BCKDHB: variants seen among roughly 807,000 people sequenced by gnomAD.
The protein encoded by BCKDHB is branched chain keto acid dehydrogenase E1 subunit beta.
BCKDHB carries 41 observed loss-of-function variants against 48.5 expected under a neutral mutation model. That is an observed-to-expected ratio of 0.85 (90% CI 0.66 to 1.10). The LOEUF (loss-of-function observed/expected upper bound fraction) is 1.10, where lower values mean the gene tolerates loss of function less well. Ranked by LOEUF, BCKDHB falls within the 50% of genes least tolerant of loss-of-function variation. BCKDHB has a pLI of 0.00. For missense variants in BCKDHB, 496 were observed against 494.2 expected, an observed-to-expected ratio of 1.00 and a Z score of -0.03; for synonymous variants, 201 against 174.8, an observed-to-expected ratio of 1.15 and a Z score of -1.18.
intron 8 of BCKDHB, among the ~76,000 whole-genome samples, chr6:80,245,733 T>G (rs540380287): frequency 6.6e-6 from 1 of 152,214 alleles, no homozygotes; most frequent in Non-Finnish European, 1.5e-5. Context: ...TTTTCTACTC[T>G]CTGTCAATTT....
At chr6:80,243,243 T>C (rs529273095) in intron 8 of BCKDHB, among the ~76,000 whole-genome samples, 1 of 152,118 alleles carries the variant, frequency 6.6e-6, no homozygotes, top group Non-Finnish European at 1.5e-5. Context: ...CAAAGGCTTA[T>C]TATGTTTCAT....
chr6:80,205,794 GTGTGTGT>G (rs1562135395), intron 8 of BCKDHB, among the ~76,000 whole-genome samples: 72 of 107,132 alleles, frequency 6.7e-4, no homozygotes, highest in African/African-American at 1.9e-3. Flanking sequence ...TGCCATGGGT[GTGTGTGT>G]GTGTGTGTGT....
At chr6:80,173,410 A>G (rs1398357309) in intron 6 of BCKDHB, among the ~76,000 whole-genome samples, 5 of 152,128 alleles carry the variant, frequency 3.3e-5, no homozygotes, top group Non-Finnish European at 5.9e-5. Context: ...AGAAATTAGG[A>G]TAGGAAAAAA....
At chr6:80,164,199 C>T (rs1582265597) in intron 3 of BCKDHB, among the ~76,000 whole-genome samples, 1 of 152,200 alleles carries the variant, frequency 6.6e-6, no homozygotes, top group East Asian at 1.9e-4. Flanking sequence ...GCTTGATCAT[C>T]TACCCATTCC....
At chr6:80,285,222 A>G (rs923266954) in intron 9 of BCKDHB, among the ~76,000 whole-genome samples, 1 of 152,116 alleles carries the variant, frequency 6.6e-6, no homozygotes, top group African/African-American at 2.4e-5. Flanking sequence ...TAATATTCCA[A>G]CATCGCACAA....
chr6:80,310,346 T>C (rs113645304), intron 9 of BCKDHB, among the ~76,000 whole-genome samples: 39 of 152,252 alleles, frequency 2.6e-4, no homozygotes, highest in African/African-American at 9.1e-4. Context: ...AGTGAGAACA[T>C]GTGGTATTTA....
At chr6:80,180,674 C>A (rs774102278) in intron 6 of BCKDHB, among the ~76,000 whole-genome samples, 6 of 152,078 alleles carry the variant, frequency 3.9e-5, no homozygotes, top group Non-Finnish European at 8.8e-5. Context: ...ACTTTTTTAG[C>A]AGATGTACTA....
the BCKDHB span, among the ~76,000 whole-genome samples, chr6:80,436,483 C>G: frequency 6.6e-6 from 1 of 152,052 alleles, no homozygotes; most frequent in Non-Finnish European, 1.5e-5. Context: ...CATGTTTTTA[C>G]CCTATGGCAT....
chr6:80,247,288 G>A (rs1229794567), intron 8 of BCKDHB, among the ~76,000 whole-genome samples: 2 of 152,064 alleles, frequency 1.3e-5, no homozygotes, highest in Non-Finnish European at 2.9e-5. Flanking sequence ...AGCTTTGCTG[G>A]GTAAAGCAAC....
At chr6:80,392,720 A>C in the BCKDHB span, among the ~76,000 whole-genome samples, 1 of 151,690 alleles carries the variant, frequency 6.6e-6, no homozygotes, top group Non-Finnish European at 1.5e-5. Flanking sequence ...GTATTTTCTT[A>C]TATAATTACA....
chr6:80,244,993 G>T (rs1241300719), intron 8 of BCKDHB, among the ~76,000 whole-genome samples: 2 of 152,074 alleles, frequency 1.3e-5, no homozygotes, highest in African/African-American at 4.8e-5. Context: ...GAGCCAGGTG[G>T]CCTGAGTGTG....
Position 80,200,063 on chromosome 6 carries a change from CAAAAAAAAAAAAAA to C in BCKDHB, c.743-858_743-845del, listed in dbSNP as rs55737130. Among the ~76,000 whole-genome samples the C allele has an allele frequency of 2.7e-4, 9 of 32,774 alleles. No individual in the cohort carries two copies. In the East Asian group the frequency reaches 9.7e-3, roughly 35 times the overall value. 21.5% of individuals were successfully genotyped at this position (32,774 alleles called of 152,430 possible). Reference sequence around the variant, plus strand: ...TGGGTGACAGAGTGAGACCCTGTCTCAAAAAAAAAAAAAAAAAAAAAAAAAAGAACTAAAGAAGG... The same window carrying C: ...TGGGTGACAGAGTGAGACCCTGTCTCAAAAAAAAAAAAGAACTAAAGAAGG... On this transcript the variant is annotated intron_variant, in intron 6 of 9. Transcript: ENST00000320393.
chr6:80,446,720 A>T, the BCKDHB span, among the ~76,000 whole-genome samples: 1 of 111,352 alleles, frequency 9.0e-6, no homozygotes, highest in African/African-American at 3.3e-5. Flanking sequence ...CTTCTGGACA[A>T]TTTTTTTTTT....
chr6:80,433,715 A>C, the BCKDHB span, among the ~76,000 whole-genome samples: 76 of 152,274 alleles, frequency 5.0e-4, 1 homozygote, highest in South Asian at 2.5e-3. Context: ...TGTATGGAAA[A>C]AAAAAAGAAC....
chr6:80,388,514 GGTGCTTTCT>G, the BCKDHB span, among the ~76,000 whole-genome samples: 1 of 152,116 alleles, frequency 6.6e-6, no homozygotes, highest in African/African-American at 2.4e-5. Context: ...TCATGAACTG[GGTGCTTTCT>G]GACCCTTCTA....
chr6:80,154,992 C>T (rs1435121052), intron 3 of BCKDHB, among the ~76,000 whole-genome samples: 1 of 152,068 alleles, frequency 6.6e-6, no homozygotes, highest in African/African-American at 2.4e-5. Context: ...GTATAAATTT[C>T]CACAGAGTAA....
At chr6:80,292,738 C>T (rs149821617) in intron 9 of BCKDHB, among the ~76,000 whole-genome samples, 84 of 152,272 alleles carry the variant, frequency 5.5e-4, no homozygotes, top group African/African-American at 2.0e-3. Flanking sequence ...CAAGGCAAGT[C>T]CCTTACACCT....
intron 9 of BCKDHB, among the ~76,000 whole-genome samples, chr6:80,289,497 C>T (rs564551215): frequency 6.6e-6 from 1 of 152,050 alleles, no homozygotes; most frequent in Non-Finnish European, 1.5e-5. Flanking sequence ...GTAATCTGGG[C>T]AGATCTTCGG....
chr6:80,122,992 G>A (rs995266590), intron 1 of BCKDHB, among the ~76,000 whole-genome samples: 6 of 118,702 alleles, frequency 5.1e-5, no homozygotes, highest in Admixed American at 2.4e-4. Context: ...CCCCAGGAAT[G>A]CATTCCTTTC....
Sources: gnomAD v4.1 joint callset for allele counts (sites outside exome capture counted in the v4.1 genomes callset) on GRCh38, gnomAD v4.1.1 for gene constraint, MANE v1.5 for transcripts, NCBI Gene and HGNC (gene_info 2026-07-23, HGNC 2026-07-21) for gene names.